NKAIN3: variants seen among roughly 807,000 people sequenced by gnomAD.
NKAIN3 encodes the protein sodium/potassium transporting ATPase interacting 3, also known as sodium/potassium-transporting ATPase subunit beta-1-interacting protein 3.
NKAIN3 carries 25 observed loss-of-function variants against 30.2 expected under a neutral mutation model. The ratio of observed to expected loss-of-function variants is 0.83; its 90% confidence interval spans 0.60 to 1.16. NKAIN3 has a LOEUF of 1.16. Ranked by LOEUF, NKAIN3 falls within the 50% of genes most tolerant of loss-of-function variation. NKAIN3 has a pLI of 0.00. For synonymous variants in NKAIN3, 91 were observed against 89.6 expected (o/e 1.02, Z -0.09); for missense variants, 225 against 254.1 (o/e 0.89, Z 0.78).
chr8:62,344,077 A>G (rs1815843321), intron 1 of NKAIN3, among the ~76,000 whole-genome samples: 1 of 152,066 alleles, frequency 6.6e-6, no homozygotes, highest in Non-Finnish European at 1.5e-5. Context: ...TTGGTTGTTG[A>G]GATTCAGAAA....
At chr8:62,349,226 G>A (rs1816105099) in intron 1 of NKAIN3, among the ~76,000 whole-genome samples, 1 of 152,150 alleles carries the variant, frequency 6.6e-6, no homozygotes, top group South Asian at 2.1e-4. Context: ...GAGGGTCCAG[G>A]TGTTTTCATG....
chr8:62,521,883 G>A (rs893254710), intron 1 of NKAIN3, among the ~76,000 whole-genome samples: 1 of 152,090 alleles, frequency 6.6e-6, no homozygotes, highest in Non-Finnish European at 1.5e-5. Flanking sequence ...CTTAGTCAAG[G>A]GAAGTCTGAA....
chr8:62,657,111 A>G (rs1011383285), intron 3 of NKAIN3, among the ~76,000 whole-genome samples: 1 of 152,132 alleles, frequency 6.6e-6, no homozygotes, highest in African/African-American at 2.4e-5. Flanking sequence ...AAACATTTCA[A>G]TTGTTGTACT....
At chr8:62,286,722 T>G (rs1008973079) in intron 1 of NKAIN3, among the ~76,000 whole-genome samples, 1 of 152,060 alleles carries the variant, frequency 6.6e-6, no homozygotes, top group African/African-American at 2.4e-5. Flanking sequence ...AAGGTGACCT[T>G]CAGTGGTGGG....
At chr8:62,896,211 A>G (rs10097119) in intron 4 of NKAIN3, among the ~76,000 whole-genome samples, 118,333 of 151,986 alleles carry the variant, frequency 0.78, 47,029 homozygotes, top group African/African-American at 0.93. Context: ...GTAACCTCAC[A>G]TGGTAGGGAA....
intron 1 of NKAIN3, among the ~76,000 whole-genome samples, chr8:62,302,462 T>C (rs1442656556): frequency 6.6e-6 from 1 of 152,086 alleles, no homozygotes; most frequent in African/African-American, 2.4e-5. Context: ...TTAGCTCCTT[T>C]TTGAAAGATG....
chr8:62,927,030 T>C (rs942394844), intron 5 of NKAIN3, among the ~76,000 whole-genome samples: 26 of 152,030 alleles, frequency 1.7e-4, no homozygotes, highest in Non-Finnish European at 3.7e-4. Flanking sequence ...AAAAAGAAAA[T>C]AGAAATCACC....
chr8:62,857,166 C>T (rs1820087274), intron 4 of NKAIN3: 2 of 328,384 alleles, frequency 6.1e-6, no homozygotes, highest in South Asian at 5.5e-5. Flanking sequence ...GAATATAGGG[C>T]CCCAATCTCT....
chr8:62,718,355 AT>A (rs1331470754), intron 3 of NKAIN3, among the ~76,000 whole-genome samples: 4 of 152,352 alleles, frequency 2.6e-5, no homozygotes, highest in African/African-American at 9.6e-5. Context: ...ATTTAATAGT[AT>A]GTAATTCCCC....
chr8:62,730,374 A>C (rs1815427986), intron 3 of NKAIN3, among the ~76,000 whole-genome samples: 1 of 152,092 alleles, frequency 6.6e-6, no homozygotes, highest in African/African-American at 2.4e-5. Flanking sequence ...TAAATATGTT[A>C]ATCTTTTATT....
chr8:62,373,675 G>T (rs1215440626), intron 1 of NKAIN3, among the ~76,000 whole-genome samples: 1 of 151,970 alleles, frequency 6.6e-6, no homozygotes, highest in African/African-American at 2.4e-5. Flanking sequence ...CTTAAAAGAA[G>T]ATTAAAGTTA....
At chr8:62,419,983 A>G (rs1349557) in intron 1 of NKAIN3, among the ~76,000 whole-genome samples, 21,080 of 152,144 alleles carry the variant, frequency 0.14, 1,754 homozygotes, top group East Asian at 0.41. Context: ...ACACTTCTAT[A>G]TAAACTAGGT....
intron 3 of NKAIN3, among the ~76,000 whole-genome samples, chr8:62,678,125 C>A (rs1813536388): frequency 6.6e-6 from 1 of 152,144 alleles, no homozygotes; most frequent in Non-Finnish European, 1.5e-5. Context: ...GCTAAAAAGA[C>A]TTTGCAGATG....
intron 3 of NKAIN3, among the ~76,000 whole-genome samples, chr8:62,732,865 T>G (rs1815523388): frequency 6.6e-6 from 1 of 152,090 alleles, no homozygotes; most frequent in Admixed American, 6.5e-5. Context: ...TCCAGATGCT[T>G]AAATGAGCCT....
At chr8:62,417,695 TTTTGA>T (rs1272288413) in intron 1 of NKAIN3, among the ~76,000 whole-genome samples, 54 of 152,330 alleles carry the variant, frequency 3.5e-4, no homozygotes, top group African/African-American at 1.2e-3. Flanking sequence ...CTCATTGTAG[TTTTGA>T]TTTAAATTTC....
chr8:62,802,024 G>A (rs1818082486), intron 4 of NKAIN3, among the ~76,000 whole-genome samples: 1 of 152,138 alleles, frequency 6.6e-6, no homozygotes, highest in Non-Finnish European at 1.5e-5. Context: ...TATCAGTGAT[G>A]GAAGATGAAA....
At chr8:62,743,457 C>T (rs1404293988) in intron 3 of NKAIN3, among the ~76,000 whole-genome samples, 1 of 152,142 alleles carries the variant, frequency 6.6e-6, no homozygotes, top group East Asian at 1.9e-4. Flanking sequence ...AAGAGAAAAG[C>T]ATTATAGATT....
chr8:62,602,702 A>C (rs1388275240), intron 3 of NKAIN3, among the ~76,000 whole-genome samples: 24 of 152,074 alleles, frequency 1.6e-4, no homozygotes, highest in Non-Finnish European at 1.5e-5. Context: ...TTACATAACC[A>C]GTCTTAAGAT....
At chr8:62,723,195 A>G (rs541095867) in intron 3 of NKAIN3, among the ~76,000 whole-genome samples, 1 of 152,170 alleles carries the variant, frequency 6.6e-6, no homozygotes, top group Non-Finnish European at 1.5e-5. Flanking sequence ...TTTTTTAAAA[A>G]ATCCTATCAC....
Sources: allele counts gnomAD v4.1 joint callset (sites outside exome capture counted in the v4.1 genomes callset), GRCh38; gene constraint gnomAD v4.1.1; transcripts MANE v1.5; gene names NCBI Gene and HGNC (gene_info 2026-07-23, HGNC 2026-07-21).